SF3B3: variants seen among roughly 807,000 people sequenced by gnomAD.
SF3B3 encodes the protein splicing factor 3b subunit 3.
Under a neutral mutation model 139.2 loss-of-function variants are expected in SF3B3, and 33 were observed. The observed-to-expected ratio is 0.24, with a 90% CI of 0.18 to 0.32. SF3B3 has a LOEUF of 0.32. Ranked by LOEUF, SF3B3 falls within the 10% of genes least tolerant of loss-of-function variation. The probability of loss-of-function intolerance (pLI) is 1.00; values close to 1 mark genes in which losing one functional copy is unlikely to be tolerated. For missense variants in SF3B3, 818 were observed against 1,509.4 expected (o/e 0.54, Z 7.59); for synonymous variants, 596 against 563.6 (o/e 1.06, Z -0.81).
chr16:70,553,319 C>A (rs2050346247), intron 11 of SF3B3, among the ~76,000 whole-genome samples: 1 of 151,708 alleles, frequency 6.6e-6, no homozygotes, highest in Non-Finnish European at 1.5e-5. Context: ...CATTTGAAGT[C>A]ATCAGAACCA....
chr16:70,524,891 A>T (rs1021520087), intron 1 of SF3B3: 1 of 152,168 alleles, frequency 6.6e-6, no homozygotes, highest in Non-Finnish European at 1.5e-5. Flanking sequence ...TGTGTTAGCC[A>T]GGATGGTCTC....
intron 23 of SF3B3, chr16:70,569,792 C>A: frequency 1.9e-6 from 1 of 522,006 alleles, no homozygotes. Flanking sequence ...CCAAACCTGG[C>A]AGATTTTGTG....
chr16:70,538,890 A>G (rs1010203467), intron 7 of SF3B3, among the ~76,000 whole-genome samples: 2 of 152,220 alleles, frequency 1.3e-5, no homozygotes, highest in African/African-American at 4.8e-5. Flanking sequence ...TTTGTGAGCT[A>G]CGTAGTCTCC....
chr16:70,548,482 G>A, intron 11 of SF3B3, 40 bp downstream of exon 11: 1 of 1,561,002 alleles, frequency 6.4e-7, no homozygotes, highest in Non-Finnish European at 8.8e-7. Flanking sequence ...GAGGATCTAG[G>A]TGCCATTGAC....
chr16:70,538,915 A>G (rs1296680212), intron 7 of SF3B3, among the ~76,000 whole-genome samples, 189 bp from the exon 8 acceptor site: 1 of 152,036 alleles, frequency 6.6e-6, no homozygotes, highest in East Asian at 1.9e-4. Flanking sequence ...CAATTACTCA[A>G]CTCTGCCATT....
At chr16:70,550,065 C>T (rs1465221724) in intron 11 of SF3B3, 4 of 152,000 alleles carry the variant, frequency 2.6e-5, no homozygotes, top group African/African-American at 9.7e-5. Context: ...TTCTGAATCT[C>T]AGTTGAATGC....
At chr16:70,554,703 A>C in intron 12 of SF3B3, 106 bp downstream of exon 12, 5 of 1,171,892 alleles carry the variant, frequency 4.3e-6, no homozygotes, top group Non-Finnish European at 6.1e-6. Context: ...CCTTCCAGCA[A>C]GCCTTAGGGG....
chr16:70,541,242 T>C (rs992075622), intron 8 of SF3B3, among the ~76,000 whole-genome samples: 4 of 152,228 alleles, frequency 2.6e-5, no homozygotes, highest in African/African-American at 9.6e-5. Context: ...TTGTGTATCT[T>C]TGGAGAAATG....
At chr16:70,545,498 T>G (rs938365609) in intron 10 of SF3B3, among the ~76,000 whole-genome samples, 1 of 152,236 alleles carries the variant, frequency 6.6e-6, no homozygotes, top group African/African-American at 2.4e-5. Context: ...GAATCCCATA[T>G]TCTCTGTGTA....
chr16:70,537,043 TTG>T (rs1185583182), intron 6 of SF3B3, among the ~76,000 whole-genome samples: 1 of 151,608 alleles, frequency 6.6e-6, no homozygotes, highest in Non-Finnish European at 1.5e-5. Flanking sequence ...ACTCGTGACC[TTG>T]TGATCTGCCT....
At chr16:70,559,790 A>G (rs1204568812) in intron 15 of SF3B3, among the ~76,000 whole-genome samples, 4 of 151,312 alleles carry the variant, frequency 2.6e-5, no homozygotes, top group African/African-American at 7.3e-5. Flanking sequence ...TTAAACAGAG[A>G]CAGAGTCTCG....
In SF3B3 at chr16:70,574,403, G is replaced by C. The variant is rs186219727; in HGVS notation, c.*2590G>C. 6.6e-6 allele frequency: 1 copy of C among 152,132 alleles called. No individual in the cohort carries two copies. Among genetic ancestry groups the C allele is most frequent in the African/African-American group, 2.4e-5 (1 of 41,386 alleles). The allele number at this position is 152,132 out of a possible 1,614,324, so 9.4% of individuals were successfully genotyped here. ...TCCCTGTGTTGCCCAGGCTGGCCTC[G>C]AACTCCTGACCTCAAAAAATCTTCC... On this transcript the variant is annotated 3_prime_UTR_variant, in exon 26 of 26. Transcript: ENST00000302516.
chr16:70,569,776 A>C, intron 23 of SF3B3: 1 of 498,626 alleles, frequency 2.0e-6, no homozygotes, highest in Non-Finnish European at 3.6e-6. Flanking sequence ...ACTATAGTAC[A>C]TGCCACCAAA....
Position 70,538,317 on chromosome 16 carries a change from T to G in SF3B3, c.826-6T>G. On this transcript the variant is annotated splice_region_variant and splice_polypyrimidine_tract_variant and intron_variant, in intron 6 of 25. Coordinates refer to ENST00000302516, the MANE Select transcript of SF3B3 (RefSeq NM_012426.5). ...AAGACATTGATTGTGTTTTTGACTT[T>G]GCTAGAATGACCTGGATGACCCTGA... The G allele has an allele frequency of 1.2e-6, 2 of 1,613,218 alleles. No individual in the cohort carries two copies. Among genetic ancestry groups the G allele is most frequent in the Non-Finnish European group, 8.5e-7 (1 of 1,179,364 alleles).
intron 1 of SF3B3, chr16:70,525,024 A>G (rs2050042236): frequency 6.8e-6 from 1 of 146,830 alleles, no homozygotes. Flanking sequence ...TCTGGTATGT[A>G]TTTTTTGTTT....
intron 15 of SF3B3, among the ~76,000 whole-genome samples, chr16:70,557,496 C>A (rs544368718): frequency 1.6e-4 from 24 of 152,262 alleles, no homozygotes; most frequent in African/African-American, 5.8e-4. Context: ...TTTTCATTTT[C>A]CTTAATGATT....
chr16:70,529,297 T>A, intron 3 of SF3B3, 98 bp downstream of exon 3: 1 of 991,220 alleles, frequency 1.0e-6, no homozygotes, highest in Non-Finnish European at 1.5e-6. Context: ...TTATGTGGGT[T>A]TGGCATCATG....
intron 18 of SF3B3, among the ~76,000 whole-genome samples, chr16:70,564,844 A>C (rs1221089143): frequency 1.3e-5 from 2 of 150,264 alleles, no homozygotes; most frequent in Non-Finnish European, 2.9e-5. Flanking sequence ...TTCTACTAAT[A>C]TGTAACCAGC....
intron 8 of SF3B3, among the ~76,000 whole-genome samples, chr16:70,540,765 T>C (rs1310729016): frequency 6.6e-6 from 1 of 152,202 alleles, no homozygotes; most frequent in African/African-American, 2.4e-5. Context: ...ATTCATGTTT[T>C]GGTAGCCTGT....
Sources: gnomAD v4.1 joint callset for allele counts (sites outside exome capture counted in the v4.1 genomes callset) on GRCh38, gnomAD v4.1.1 for gene constraint, MANE v1.5 for transcripts, NCBI Gene and HGNC (gene_info 2026-07-23, HGNC 2026-07-21) for gene names.